Variants in SLCO2A1 observed in about 807,000 individuals in gnomAD.
The protein encoded by SLCO2A1 is matrin F/G 1.
Under a neutral mutation model 71.7 loss-of-function variants are expected in SLCO2A1, and 60 were observed. That is an observed-to-expected ratio of 0.84 (90% CI 0.68 to 1.04). The LOEUF (loss-of-function observed/expected upper bound fraction) is 1.04, where lower values mean the gene tolerates loss of function less well. Among genes scored for constraint, SLCO2A1 ranks in the 50% least tolerant of loss-of-function variants. The pLI, the probability that SLCO2A1 is intolerant of heterozygous loss-of-function variation, is 0.00. For missense variants in SLCO2A1, 745 were observed against 813.4 expected, an observed-to-expected ratio of 0.92 and a Z score of 1.02; for synonymous variants, 308 against 326.7, an observed-to-expected ratio of 0.94 and a Z score of 0.62.
intron 1 of SLCO2A1, among the ~76,000 whole-genome samples, chr3:134,006,294 T>G (rs1029906505): frequency 6.6e-6 from 1 of 151,996 alleles, no homozygotes; most frequent in Non-Finnish European, 1.5e-5. Flanking sequence ...TTAAGCAATC[T>G]TCCTGCCTCA....
chr3:133,966,606 C>A (rs776024029), intron 3 of SLCO2A1, among the ~76,000 whole-genome samples: 3 of 152,216 alleles, frequency 2.0e-5, no homozygotes, highest in Non-Finnish European at 4.4e-5. Context: ...CTGTTTCCCT[C>A]TTTTAGATTT....
intron 9 of SLCO2A1, among the ~76,000 whole-genome samples, 200 bp downstream of exon 9, chr3:133,947,056 C>T (rs1036699925): frequency 6.6e-6 from 1 of 151,848 alleles, no homozygotes; most frequent in Non-Finnish European, 1.5e-5. Context: ...ATCACTTGAA[C>T]CTGGGAGGTG....
intron 1 of SLCO2A1, among the ~76,000 whole-genome samples, chr3:133,988,581 A>T (rs1436806478): frequency 6.6e-6 from 1 of 152,226 alleles, no homozygotes; most frequent in Non-Finnish European, 1.5e-5. Context: ...GGTCACTCAC[A>T]TTTGTAAAAT....
chr3:133,943,908 A>AT (rs1933496291), intron 10 of SLCO2A1, among the ~76,000 whole-genome samples: 1 of 152,198 alleles, frequency 6.6e-6, no homozygotes, highest in African/African-American at 2.4e-5. Context: ...CATCCCCTCC[A>AT]TATGGGCTTA....
intron 1 of SLCO2A1, among the ~76,000 whole-genome samples, chr3:134,029,278 G>A (rs1243123997): frequency 2.0e-5 from 3 of 152,002 alleles, no homozygotes; most frequent in East Asian, 3.9e-4. Flanking sequence ...AAGCGCGGGG[G>A]GTCCCCCTGG....
chr3:133,979,026 A>C (rs974983486), intron 2 of SLCO2A1, among the ~76,000 whole-genome samples: 12 of 152,064 alleles, frequency 7.9e-5, no homozygotes, highest in African/African-American at 2.9e-4. Flanking sequence ...AGGGCTGCTG[A>C]CCCACCTGCA....
At position 133,947,349 on chromosome 3, in the gene SLCO2A1, G is replaced by A; in HGVS notation, c.1202C>T (p.Ala401Val). 6.2e-7 allele frequency: 1 copy of A among 1,614,146 alleles called. No individual in the cohort carries two copies. ...VFSLQAIPRI[A>V]TTIITISMIL... ...CATGGAGATGGTGATGATGGTGGTAGCTATGCGGGGAATGGCTTGTAGAGA... is the reference window on the plus strand; with the variant it reads ...CATGGAGATGGTGATGATGGTGGTAACTATGCGGGGAATGGCTTGTAGAGA... The change falls in exon 9 of 14, where the codon GCT becomes GTT. Residue 401 changes from alanine (A) to valine (V), a missense_variant. Transcript: ENST00000310926.
intron 1 of SLCO2A1, among the ~76,000 whole-genome samples, chr3:133,997,948 T>G (rs1360670585): frequency 6.6e-6 from 1 of 152,222 alleles, no homozygotes; most frequent in African/African-American, 2.4e-5. Flanking sequence ...TAGGAGTGTT[T>G]GGAGACATTG....
At chr3:134,007,159 T>G (rs1181661605) in intron 1 of SLCO2A1, among the ~76,000 whole-genome samples, 3 of 152,242 alleles carry the variant, frequency 2.0e-5, no homozygotes, top group African/African-American at 4.8e-5. Flanking sequence ...CTTTGCCAAT[T>G]TTTAAATTCG....
intron 1 of SLCO2A1, among the ~76,000 whole-genome samples, chr3:134,001,596 A>T (rs1449078331): frequency 2.6e-5 from 4 of 152,018 alleles, no homozygotes; most frequent in Non-Finnish European, 4.4e-5. Flanking sequence ...TACTCCTCAG[A>T]TCAGCAAAGA....
At chr3:133,962,750 A>G (rs1410867060) in intron 3 of SLCO2A1, among the ~76,000 whole-genome samples, 1 of 152,208 alleles carries the variant, frequency 6.6e-6, no homozygotes, top group African/African-American at 2.4e-5. Flanking sequence ...CGTAACTTAT[A>G]GAAGCATGGC....
At chr3:134,029,323 C>T (rs6762889) in intron 1 of SLCO2A1, among the ~76,000 whole-genome samples, 80,046 of 151,986 alleles carry the variant, frequency 0.53, 22,580 homozygotes, top group South Asian at 0.68. Flanking sequence ...GAAGTAACCG[C>T]CCGCTGGAGG....
intron 3 of SLCO2A1, among the ~76,000 whole-genome samples, chr3:133,955,910 G>A (rs1016401998): frequency 1.3e-5 from 2 of 152,178 alleles, no homozygotes; most frequent in Non-Finnish European, 2.9e-5. Context: ...GCTGCTTCTC[G>A]AAGCCCTTCT....
At chr3:134,008,890 T>C (rs1360967020) in intron 1 of SLCO2A1, among the ~76,000 whole-genome samples, 1 of 152,230 alleles carries the variant, frequency 6.6e-6, no homozygotes, top group African/African-American at 2.4e-5. Flanking sequence ...TGGAAAGCCA[T>C]GACTCAACTG....
chr3:133,988,428 C>T (rs1282435229), intron 1 of SLCO2A1, among the ~76,000 whole-genome samples: 2 of 152,172 alleles, frequency 1.3e-5, no homozygotes, highest in South Asian at 2.1e-4. Flanking sequence ...GCAAGTTGTG[C>T]CGCCTTTCTG....
At chr3:133,966,314 T>A (rs1934164952) in intron 3 of SLCO2A1, among the ~76,000 whole-genome samples, 2 of 152,346 alleles carry the variant, frequency 1.3e-5, no homozygotes. Context: ...AAATGTCTGT[T>A]GACCCCTGGT....
chr3:133,989,596 A>G (rs1033335844), intron 1 of SLCO2A1, among the ~76,000 whole-genome samples: 2 of 152,220 alleles, frequency 1.3e-5, no homozygotes, highest in African/African-American at 4.8e-5. Context: ...TTTTTGAATC[A>G]GTGTAACATG....
chr3:133,964,724 C>T (rs1316539946), intron 3 of SLCO2A1, among the ~76,000 whole-genome samples: 1 of 152,212 alleles, frequency 6.6e-6, no homozygotes, highest in Admixed American at 6.5e-5. Flanking sequence ...ATACTGCCAC[C>T]TTGGCACTAG....
At chr3:134,023,121 AAAAC>A (rs143225028) in intron 1 of SLCO2A1, among the ~76,000 whole-genome samples, 586 of 38,412 alleles carry the variant, frequency 0.015, 1 homozygote, top group Non-Finnish European at 0.024. Context: ...TTCATACAGC[AAAAC>A]AAACAAACAA....
Sources: gnomAD v4.1 joint callset for allele counts (sites outside exome capture counted in the v4.1 genomes callset) on GRCh38, gnomAD v4.1.1 for gene constraint, MANE v1.5 for transcripts, NCBI Gene and HGNC (gene_info 2026-07-23, HGNC 2026-07-21) for gene names.